Variants in MDGA2 observed in about 807,000 individuals in gnomAD.
MDGA2 encodes MAM domain-containing glycosylphosphatidylinositol anchor protein 2.
MDGA2 carries 40 observed loss-of-function variants against 117.8 expected under a neutral mutation model. That is an observed-to-expected ratio of 0.34 (90% CI 0.26 to 0.44). MDGA2 has a LOEUF of 0.44. Among genes scored for constraint, MDGA2 ranks in the 20% least tolerant of loss-of-function variants. The pLI, the probability that MDGA2 is intolerant of heterozygous loss-of-function variation, is 1.00. For missense variants in MDGA2, 1,123 were observed against 1,250.6 expected (o/e 0.90, Z 1.54); for synonymous variants, 452 against 439.0 (o/e 1.03, Z -0.37).
intron 1 of MDGA2, among the ~76,000 whole-genome samples, chr14:47,562,222 T>C (rs1372203048): frequency 5.3e-5 from 8 of 152,192 alleles, no homozygotes; most frequent in Admixed American, 5.2e-4. Flanking sequence ...GGTTTTGGTA[T>C]CAGCATGGTG....
intron 1 of MDGA2, among the ~76,000 whole-genome samples, chr14:47,469,271 A>G (rs1043464764): frequency 6.6e-6 from 1 of 151,836 alleles, no homozygotes; most frequent in African/African-American, 2.4e-5. Context: ...TCATCATTTA[A>G]CATTAGGTAT....
At chr14:46,851,342 C>T (rs551479728) in intron 15 of MDGA2, among the ~76,000 whole-genome samples, 2 of 151,904 alleles carry the variant, frequency 1.3e-5, no homozygotes, top group African/African-American at 4.8e-5. Flanking sequence ...ATGTAAAATT[C>T]ATTGACATTA....
intron 1 of MDGA2, among the ~76,000 whole-genome samples, chr14:47,669,533 A>C (rs1898037724): frequency 6.6e-6 from 1 of 152,178 alleles, no homozygotes; most frequent in South Asian, 2.1e-4. Flanking sequence ...CCCATTTTGC[A>C]TGTGAAATCT....
At chr14:46,870,885 A>ATTATTTCTAGTCTCAAAAATTAT (rs1881966885) in intron 14 of MDGA2, 1 of 151,990 alleles carries the variant, frequency 6.6e-6, no homozygotes, top group African/African-American at 2.4e-5. Flanking sequence ...AAGCCCTAAA[A>ATTATTTCTAGTCTCAAAAATTAT]TCTAGTCTCA....
intron 1 of MDGA2, among the ~76,000 whole-genome samples, chr14:47,422,841 A>G (rs1431493204): frequency 6.6e-6 from 1 of 152,202 alleles, no homozygotes; most frequent in African/African-American, 2.4e-5. Context: ...GTATAGAGTT[A>G]ACATTCTGAT....
chr14:47,158,296 C>G (rs1250449306), intron 3 of MDGA2, among the ~76,000 whole-genome samples: 1 of 151,614 alleles, frequency 6.6e-6, no homozygotes, highest in East Asian at 1.9e-4. Context: ...TGTAAGTATG[C>G]TCTACAATGT....
chr14:47,166,033 CTTTTT>C (rs35219016), intron 3 of MDGA2, among the ~76,000 whole-genome samples: 1 of 115,518 alleles, frequency 8.7e-6, no homozygotes, highest in Non-Finnish European at 1.8e-5. Flanking sequence ...GCACTGTTTA[CTTTTT>C]TTTTTTTTTT....
At chr14:47,562,167 A>T (rs1266939279) in intron 1 of MDGA2, among the ~76,000 whole-genome samples, 1 of 152,158 alleles carries the variant, frequency 6.6e-6, no homozygotes, top group Non-Finnish European at 1.5e-5. Flanking sequence ...AAGTTCTTCA[A>T]GGATAGCAGC....
intron 1 of MDGA2, among the ~76,000 whole-genome samples, chr14:47,586,890 C>T (rs1431255763): frequency 6.6e-6 from 1 of 151,646 alleles, no homozygotes; most frequent in African/African-American, 2.4e-5. Context: ...TGTCCGTTTC[C>T]AGTGATGTTC....
At chr14:47,420,376 A>G (rs1004442085) in intron 1 of MDGA2, among the ~76,000 whole-genome samples, 3 of 152,158 alleles carry the variant, frequency 2.0e-5, no homozygotes, top group African/African-American at 7.2e-5. Flanking sequence ...CTATTTTGGA[A>G]ACAGCAGTAT....
At chr14:47,062,823 T>C (rs948770589) in intron 6 of MDGA2, among the ~76,000 whole-genome samples, 1 of 152,096 alleles carries the variant, frequency 6.6e-6, no homozygotes, top group East Asian at 1.9e-4. Context: ...ATAAATATAC[T>C]TTTAAGTCTT....
chr14:47,413,881 G>A (rs1443639267), intron 1 of MDGA2, among the ~76,000 whole-genome samples: 1 of 152,182 alleles, frequency 6.6e-6, no homozygotes, highest in East Asian at 1.9e-4. Flanking sequence ...ATTAGAATTA[G>A]AGGAACAGAA....
chr14:47,213,151 A>G (rs540465745), intron 3 of MDGA2, among the ~76,000 whole-genome samples: 2 of 152,258 alleles, frequency 1.3e-5, no homozygotes, highest in South Asian at 4.1e-4. Flanking sequence ...CTGAAATCTT[A>G]TAGGTCTAAA....
intron 5 of MDGA2, among the ~76,000 whole-genome samples, chr14:47,101,350 C>T (rs185653891): frequency 6.7e-4 from 102 of 152,034 alleles, no homozygotes; most frequent in African/African-American, 2.5e-3. Context: ...TTCCTATTTC[C>T]CCATAAGCAC....
At position 46,841,855 on chromosome 14, in the gene MDGA2, T is replaced by C; in HGVS notation, c.*76A>G. ...GGAGGAATCTTTGGTAGTTTGTTTG[T>C]TCAATGTCCATTTACAAAGACTCTT... is the stretch of plus-strand genomic sequence containing the variant. On this transcript the variant is annotated 3_prime_UTR_variant, in exon 17 of 17. Transcript: ENST00000399232. The C allele has an allele frequency of 1.0e-6, 1 of 1,002,744 alleles. No individual in the cohort carries two copies. The allele number at this position is 1,002,744 out of a possible 1,614,324, so 62.1% of individuals were successfully genotyped here. A position where few individuals can be genotyped will look rare whatever the true frequency, so the allele number is the denominator to read the frequency against.
chr14:47,521,744 TCAC>T (rs1289171106), intron 1 of MDGA2, among the ~76,000 whole-genome samples: 2 of 152,182 alleles, frequency 1.3e-5, no homozygotes, highest in African/African-American at 4.8e-5. Flanking sequence ...CGGTCTCAGC[TCAC>T]CACAACCTCT....
chr14:47,394,725 A>G (rs1421501218), intron 1 of MDGA2, among the ~76,000 whole-genome samples: 6 of 152,322 alleles, frequency 3.9e-5, no homozygotes, highest in South Asian at 4.1e-4. Context: ...ATTTATTCAC[A>G]TGATTAAACA....
At chr14:47,485,701 C>A (rs923625325) in intron 1 of MDGA2, among the ~76,000 whole-genome samples, 2 of 152,066 alleles carry the variant, frequency 1.3e-5, no homozygotes, top group Non-Finnish European at 2.9e-5. Flanking sequence ...GGACTTGGTG[C>A]CCTGTGTCCC....
chr14:47,024,832 T>C (rs1374789121), intron 8 of MDGA2, among the ~76,000 whole-genome samples: 2 of 152,164 alleles, frequency 1.3e-5, no homozygotes, highest in Non-Finnish European at 2.9e-5. Flanking sequence ...GGTGTCCTTT[T>C]GAAGAACCTT....
Sources: gnomAD v4.1 joint callset for allele counts (sites outside exome capture counted in the v4.1 genomes callset) on GRCh38, gnomAD v4.1.1 for gene constraint, MANE v1.5 for transcripts, NCBI Gene and HGNC (gene_info 2026-07-23, HGNC 2026-07-21) for gene names.